Variants in CCR5AS observed in about 807,000 individuals in gnomAD.
CCR5AS encodes the protein CCR5 antisense RNA.
At chr3:46,369,732 C>G (rs1361279764) in intron 3 of CCR5AS, among the ~76,000 whole-genome samples, 1 of 152,124 alleles carries the variant, frequency 6.6e-6, no homozygotes, top group African/African-American at 2.4e-5. Context: ...AGAATCCTCC[C>G]AACAACTCAT....
intron 2 of CCR5AS, among the ~76,000 whole-genome samples, chr3:46,391,893 G>A (rs955713546): frequency 2.6e-5 from 4 of 152,128 alleles, no homozygotes; most frequent in African/African-American, 9.7e-5. Flanking sequence ...CAGAGCTTGG[G>A]GTGGAGACTG....
At chr3:46,372,129 G>A (rs1701669824) in intron 2 of CCR5AS, among the ~76,000 whole-genome samples, 1 of 152,212 alleles carries the variant, frequency 6.6e-6, no homozygotes, top group Admixed American at 6.5e-5. Context: ...ATGATGCTTA[G>A]AACAGTGATT....
intron 3 of CCR5AS, among the ~76,000 whole-genome samples, chr3:46,366,841 CA>C (rs1305787277): frequency 1.3e-5 from 2 of 152,174 alleles, no homozygotes; most frequent in Non-Finnish European, 2.9e-5. Context: ...CTGTGAGGAT[CA>C]GGGGGACTCC....
At chr3:46,373,046 C>G (rs1405206791) in intron 2 of CCR5AS, 1 of 1,614,180 alleles carries the variant, frequency 6.2e-7, no homozygotes, top group Admixed American at 1.7e-5. Flanking sequence ...TTGTGGGCAA[C>G]ATGCTGGTCA....
chr3:46,401,320 G>T (rs1331763040), intron 1 of CCR5AS, among the ~76,000 whole-genome samples: 1 of 152,218 alleles, frequency 6.6e-6, no homozygotes, highest in African/African-American at 2.4e-5. Context: ...TCTAGAAAAT[G>T]ATGCCCTTCC....
At chr3:46,365,186 T>G (rs1375605774) in intron 3 of CCR5AS, 1 of 152,236 alleles carries the variant, frequency 6.6e-6, no homozygotes, top group Non-Finnish European at 1.5e-5. Context: ...TCACATGGTA[T>G]GGAGAAATCT....
rs530960453 is a variant in CCR5AS at position 46,398,214 on chromosome 3, C to A, written n.164-5162G>T. ...AATGGAAGACCCCAAAACCCAGGCG[C>A]GGAAAATTCATATCAGGCCATTGAT... On this transcript the variant is annotated intron_variant and non_coding_transcript_variant, in intron 1 of 3. Coordinates refer to ENST00000451485, the Ensembl canonical transcript of CCR5AS. Among the ~76,000 whole-genome samples the A allele has an allele frequency of 9.2e-4, 140 of 152,200 alleles. No homozygotes were observed. The Middle Eastern group carries it at 0.014, about 15-fold the overall frequency.
chr3:46,372,712 AG>A (rs780712417), intron 2 of CCR5AS: 49 of 482,286 alleles, frequency 1.0e-4, no homozygotes, highest in Admixed American at 1.8e-4. Context: ...CAGGGAAGCT[AG>A]CAGCAAACCT....
chr3:46,398,785 T>C (rs1255817957), intron 1 of CCR5AS, among the ~76,000 whole-genome samples: 1 of 152,196 alleles, frequency 6.6e-6, no homozygotes, highest in Non-Finnish European at 1.5e-5. Flanking sequence ...TAGGAATGCA[T>C]ATTCACCCCC....
intron 2 of CCR5AS, among the ~76,000 whole-genome samples, chr3:46,392,581 C>T (rs1217807211): frequency 1.3e-5 from 2 of 152,094 alleles, no homozygotes; most frequent in African/African-American, 2.4e-5. Flanking sequence ...AGGCAGGCAT[C>T]CCCCCGGTGA....
intron 1 of CCR5AS, among the ~76,000 whole-genome samples, chr3:46,401,635 G>T (rs1226291650): frequency 6.6e-6 from 1 of 152,230 alleles, no homozygotes; most frequent in Non-Finnish European, 1.5e-5. Context: ...GGAGGGCACA[G>T]CCTTGGCATG....
At chr3:46,365,265 C>G (rs978160995) in intron 3 of CCR5AS, among the ~76,000 whole-genome samples, 20 of 152,210 alleles carry the variant, frequency 1.3e-4, no homozygotes, top group Admixed American at 9.2e-4. Flanking sequence ...ATTGCCACAG[C>G]CACCCCCAGC....
intron 3 of CCR5AS, among the ~76,000 whole-genome samples, chr3:46,369,251 T>C (rs1407364379): frequency 6.6e-6 from 1 of 152,218 alleles, no homozygotes; most frequent in Non-Finnish European, 1.5e-5. Flanking sequence ...GCTTCAATAA[T>C]TTGGTCAGAG....
chr3:46,364,530 T>C (rs949429884), exon 4 of CCR5AS, among the ~76,000 whole-genome samples: 7 of 152,218 alleles, frequency 4.6e-5, no homozygotes, highest in East Asian at 1.9e-4. Context: ...AGAATATTCA[T>C]GTTGTTTTCA....
chr3:46,365,139 A>G (rs1427751662), intron 3 of CCR5AS: 1 of 152,318 alleles, frequency 6.6e-6, no homozygotes, highest in African/African-American at 2.4e-5. Context: ...ATTGACTCCA[A>G]TTTTGAAAGA....
intron 1 of CCR5AS, among the ~76,000 whole-genome samples, chr3:46,401,605 A>C (rs551953128): frequency 7.2e-4 from 110 of 152,330 alleles, no homozygotes; most frequent in Non-Finnish European, 6.0e-4. Flanking sequence ...TAATAGTGTC[A>C]TGGAGTGGGA....
chr3:46,383,703 C>T (rs1045017080), intron 2 of CCR5AS, among the ~76,000 whole-genome samples: 3 of 152,108 alleles, frequency 2.0e-5, no homozygotes, highest in Non-Finnish European at 4.4e-5. Flanking sequence ...CTGGGCAGAG[C>T]TTCTGTCCTC....
chr3:46,403,877 A>G (rs1702022826), intron 1 of CCR5AS, among the ~76,000 whole-genome samples: 1 of 152,232 alleles, frequency 6.6e-6, no homozygotes, highest in Non-Finnish European at 1.5e-5. Context: ...GTCTCCACCC[A>G]GCACTGGCAA....
chr3:46,399,516 TA>T (rs1054228304), intron 1 of CCR5AS, among the ~76,000 whole-genome samples: 5 of 152,200 alleles, frequency 3.3e-5, no homozygotes, highest in African/African-American at 1.2e-4. Context: ...AGTGGGTTTG[TA>T]ATCTTTATTT....
Sources: gnomAD v4.1 joint callset for allele counts (sites outside exome capture counted in the v4.1 genomes callset) on GRCh38, gnomAD v4.1.1 for gene constraint, MANE v1.5 for transcripts, NCBI Gene and HGNC (gene_info 2026-07-23, HGNC 2026-07-21) for gene names.